Variants in UBAP2 observed in about 807,000 individuals in gnomAD.
The protein encoded by UBAP2 is ubiquitin associated protein 2, also known as ubiquitin-associated protein 2.
A neutral mutation model predicts 139.6 loss-of-function variants in UBAP2; 75 were observed. The observed-to-expected ratio is 0.54, with a 90% CI of 0.45 to 0.65. The LOEUF is 0.65. Among genes scored for constraint, UBAP2 ranks in the 30% least tolerant of loss-of-function variants. The probability of loss-of-function intolerance (pLI) is 0.00; values close to 1 mark genes in which losing one functional copy is unlikely to be tolerated. For synonymous variants in UBAP2, 526 were observed against 526.2 expected (o/e 1.00, Z 0.01); for missense variants, 1,368 against 1,369.6 (o/e 1.00, Z 0.02).
At chr9:33,947,165 T>C (rs1052847906) in intron 13 of UBAP2, among the ~76,000 whole-genome samples, 12 of 152,208 alleles carry the variant, frequency 7.9e-5, no homozygotes, top group Non-Finnish European at 1.5e-5. Flanking sequence ...TCTCTAATGA[T>C]TTCCCTTGGT....
chr9:33,992,833 C>T (rs1048399758), intron 4 of UBAP2, among the ~76,000 whole-genome samples: 1 of 152,134 alleles, frequency 6.6e-6, no homozygotes, highest in African/African-American at 2.4e-5. Context: ...TTTCTGGCAA[C>T]CTCTGTTATC....
rs1321333801 is a variant in UBAP2, at chr9:33,923,206, G to A, written c.2984C>T (p.Ala995Val). The A allele has an allele frequency of 3.1e-6, 5 of 1,614,216 alleles. No homozygotes were observed. The highest frequency in any genetic ancestry group is 4.2e-6 in the Non-Finnish European group (5 of 1,180,024). Residue 995 changes from alanine (A) to valine (V), a missense_variant, in exon 26 of 29, where the codon GCA (alanine) becomes GTA (valine). Transcript: ENST00000379238. ...AGSSQAPNKS[A>V]GSGPGKGVSV... is the part of the protein sequence containing the mutation. The stretch of plus-strand genomic sequence containing the variant: ...ACTACCTTTGCCAGGCCCAGAACCT[G>A]CAGACTTGTTTGGTGCCTGCGATGA...
At chr9:33,994,161 T>A (rs1310821011) in intron 4 of UBAP2, among the ~76,000 whole-genome samples, 1 of 152,290 alleles carries the variant, frequency 6.6e-6, no homozygotes, top group African/African-American at 2.4e-5. Flanking sequence ...TCCAAAGTGC[T>A]GGGATTACAG....
intron 8 of UBAP2, among the ~76,000 whole-genome samples, chr9:33,971,216 T>C (rs1280961120): frequency 6.6e-6 from 1 of 152,208 alleles, no homozygotes; most frequent in Non-Finnish European, 1.5e-5. Flanking sequence ...AACAGCATGA[T>C]ACAGAAAAAC....
rs141241582 is a variant in UBAP2 at position 34,034,803 on chromosome 9, G to A, written c.-42+14022C>T. On this transcript the variant is annotated intron_variant, in intron 1 of 28. Coordinates refer to ENST00000379238, the MANE Select transcript of UBAP2 (RefSeq NM_001370062.2). ...GAGGAGAATTGCTTCAACCTGGGAG[G>A]CGGAGGTTGCAGTGAGTCAAGATCA... 8.2e-3 allele frequency among the ~76,000 whole-genome samples: 1,243 copies of A among 152,154 alleles called. 14 individuals are homozygous for A. The highest frequency in any genetic ancestry group is 0.028 in the African/African-American group (1,141 of 41,488).
chr9:34,033,932 C>T (rs920597793), intron 1 of UBAP2, among the ~76,000 whole-genome samples: 2 of 151,916 alleles, frequency 1.3e-5, no homozygotes, highest in Non-Finnish European at 2.9e-5. Context: ...GACGGGGTTT[C>T]GTCATGTTGG....
chr9:34,013,144 C>A (rs1200985763), intron 2 of UBAP2, among the ~76,000 whole-genome samples: 5 of 113,032 alleles, frequency 4.4e-5, no homozygotes, highest in African/African-American at 2.0e-4. Context: ...CAGAGTGAGA[C>A]TCTAGCTCAA....
Position 34,001,188 on chromosome 9 carries a change from T to C in UBAP2, c.100-2324A>G, listed in dbSNP as rs151220060. Among the ~76,000 whole-genome samples the C allele has an allele frequency of 4.7e-3, 715 of 152,318 alleles. 21 individuals are homozygous for C. The highest frequency in any genetic ancestry group is 0.045 in the Admixed American group (683 of 15,286). On this transcript the variant is annotated intron_variant, in intron 2 of 28. Coordinates refer to ENST00000379238, the MANE Select transcript of UBAP2 (RefSeq NM_001370062.2). ...GGAGTAATGACAACTTGTTATGAACTGTTAAAGTCAAAAATATAGAGAGAA... is the reference window on the plus strand; with the variant it reads ...GGAGTAATGACAACTTGTTATGAACCGTTAAAGTCAAAAATATAGAGAGAA...
intron 6 of UBAP2, 101 bp downstream of exon 6, chr9:33,986,659 C>T: frequency 1.0e-6 from 1 of 967,758 alleles, no homozygotes; most frequent in South Asian, 1.3e-5. Flanking sequence ...ACCTGCTATT[C>T]TTTCAGAACA....
At chr9:33,998,989 G>A (rs1409364445) in intron 2 of UBAP2, 125 bp from the exon 3 acceptor site, 4 of 693,208 alleles carry the variant, frequency 5.8e-6, no homozygotes, top group South Asian at 1.9e-5. Flanking sequence ...ATAAAAGACA[G>A]TGAATTTAGG....
intron 2 of UBAP2, among the ~76,000 whole-genome samples, chr9:34,004,662 T>TA (rs1429347062): frequency 1.3e-5 from 2 of 150,940 alleles, no homozygotes; most frequent in Non-Finnish European, 2.9e-5. Context: ...CGGGCACCTG[T>TA]AGTCCCAGCT....
intron 3 of UBAP2, 58 bp from the exon 4 acceptor site, chr9:33,996,391 A>C (rs1822203508): frequency 1.8e-6 from 2 of 1,095,888 alleles, no homozygotes; most frequent in Non-Finnish European, 1.4e-6. Flanking sequence ...CTTGATATTA[A>C]GATTCTTCTA....
At chr9:34,011,332 TTA>T (rs1823734937) in intron 2 of UBAP2, among the ~76,000 whole-genome samples, 1 of 152,280 alleles carries the variant, frequency 6.6e-6, no homozygotes, top group South Asian at 2.1e-4. Context: ...AGCTTAAGTA[TTA>T]TATGACACAA....
At chr9:34,039,470 G>A (rs1000452233) in intron 1 of UBAP2, among the ~76,000 whole-genome samples, 57 of 152,318 alleles carry the variant, frequency 3.7e-4, no homozygotes, top group African/African-American at 1.2e-3. Flanking sequence ...TGTGTAGAAA[G>A]AAGTAGACAT....
chr9:34,016,296 A>G (rs1426418698), intron 2 of UBAP2, among the ~76,000 whole-genome samples: 19 of 74,672 alleles, frequency 2.5e-4, no homozygotes, highest in Non-Finnish European at 3.9e-4. Flanking sequence ...AGGAGGAGGA[A>G]GAGGAGGAAG....
At chr9:34,009,356 C>A (rs1804665087) in intron 2 of UBAP2, among the ~76,000 whole-genome samples, 1 of 151,998 alleles carries the variant, frequency 6.6e-6, no homozygotes, top group Non-Finnish European at 1.5e-5. Context: ...GTCTCAGCCT[C>A]CCAAAGTGCT....
At chr9:34,035,299 T>TC (rs1161290811) in intron 1 of UBAP2, among the ~76,000 whole-genome samples, 2 of 151,276 alleles carry the variant, frequency 1.3e-5, no homozygotes, top group Admixed American at 1.3e-4. Flanking sequence ...GGTCAGGAGT[T>TC]CAAGACCAGC....
At chr9:34,046,737 T>G (rs1160873736) in intron 1 of UBAP2, among the ~76,000 whole-genome samples, 1 of 151,572 alleles carries the variant, frequency 6.6e-6, no homozygotes, top group Non-Finnish European at 1.5e-5. Context: ...ACATATTTTA[T>G]ACTTAAGAGG....
At chr9:33,969,781 G>A (rs1182483038) in intron 8 of UBAP2, among the ~76,000 whole-genome samples, 6 of 151,374 alleles carry the variant, frequency 4.0e-5, no homozygotes, top group African/African-American at 2.4e-5. Context: ...CAAGAGAATC[G>A]CTTGAACCTG....
Sources: gnomAD v4.1 joint callset for allele counts (sites outside exome capture counted in the v4.1 genomes callset) on GRCh38, gnomAD v4.1.1 for gene constraint, MANE v1.5 for transcripts, NCBI Gene and HGNC (gene_info 2026-07-23, HGNC 2026-07-21) for gene names.